BCL2: variants seen among roughly 807,000 people sequenced by gnomAD.
BCL2 encodes apoptosis regulator Bcl-2.
BCL2 carries 1 observed loss-of-function variant against 14.2 expected under a neutral mutation model. That is an observed-to-expected ratio of 0.07 (90% confidence interval 0.02 to 0.33). BCL2 has a LOEUF of 0.33. Ranked by LOEUF, BCL2 falls within the 10% of genes least tolerant of loss-of-function variation. BCL2 has a pLI of 0.99. For missense variants in BCL2, 247 were observed against 305.9 expected (o/e 0.81, Z 1.44); for synonymous variants, 151 against 137.2 (o/e 1.10, Z -0.70).
intron 2 of BCL2, among the ~76,000 whole-genome samples, chr18:63,275,948 G>T (rs567563373): frequency 2.6e-5 from 4 of 152,398 alleles, no homozygotes; most frequent in African/African-American, 9.6e-5. Context: ...TGAGCTGGGA[G>T]TGTGTGTATG....
chr18:63,289,124 G>A (rs1176892545), intron 2 of BCL2, among the ~76,000 whole-genome samples: 1 of 152,028 alleles, frequency 6.6e-6, no homozygotes, highest in Non-Finnish European at 1.5e-5. Flanking sequence ...CATGGTGGTG[G>A]ATATACACAA....
intron 2 of BCL2, among the ~76,000 whole-genome samples, chr18:63,287,251 T>C (rs1272066542): frequency 6.6e-6 from 1 of 152,176 alleles, no homozygotes; most frequent in Non-Finnish European, 1.5e-5. Flanking sequence ...TAGAATTCTG[T>C]ATGCTCCTTA....
chr18:63,232,044 A>G (rs1306775226), intron 2 of BCL2, among the ~76,000 whole-genome samples: 2 of 152,110 alleles, frequency 1.3e-5, no homozygotes, highest in Non-Finnish European at 2.9e-5. Context: ...TGTGACAGAG[A>G]TAGCATTACA....
chr18:63,315,796 C>T (rs1019395823), intron 2 of BCL2: 29 of 152,140 alleles, frequency 1.9e-4, no homozygotes, highest in Admixed American at 1.8e-3. Context: ...ATAGGCAAAT[C>T]ATTCATCATT....
At chr18:63,254,376 T>C (rs1223805187) in intron 2 of BCL2, among the ~76,000 whole-genome samples, 2 of 123,952 alleles carry the variant, frequency 1.6e-5, no homozygotes, top group African/African-American at 6.4e-5. Flanking sequence ...GGAAACCCTG[T>C]CTTTGCTAAA....
rs2144578965 is a variant in BCL2 at position 63,123,387 on chromosome 18, CTA to C, written c.*5236_*5237del. The C allele has an allele frequency of 5.2e-6, 1 of 191,912 alleles. No homozygotes were observed. The highest frequency in any genetic ancestry group is 8.2e-5 in the East Asian group (1 of 12,222). 11.9% of individuals were successfully genotyped at this position (191,912 alleles called of 1,614,324 possible). ...ACTTTATTTTTCTTCACAATATTAA[CTA>C]GACAGACAAGGAAAGTTTAATGGCA... is the stretch of plus-strand genomic sequence containing the variant. On this transcript the variant is annotated 3_prime_UTR_variant, in exon 3 of 3. Transcript: ENST00000333681.
rs1913839019 is a variant in BCL2, at chr18:63,123,824, T to C, written c.*4801A>G. 1 of 217,124 alleles carries C rather than the reference T, an allele frequency of 4.6e-6. No individual in the cohort carries two copies. Among genetic ancestry groups the C allele is most frequent in the Non-Finnish European group, 9.3e-6 (1 of 107,900 alleles). The allele number at this position is 217,124 out of a possible 1,614,324, so 13.4% of individuals were successfully genotyped here. On this transcript the variant is annotated 3_prime_UTR_variant, in exon 3 of 3. Coordinates refer to ENST00000333681, the MANE Select transcript of BCL2 (RefSeq NM_000633.3). Reference sequence around the variant, plus strand: ...GAGGGAAAAACTTAATGAAATGAGCTATCTGGAGGGCCCACGGCAGATTTT... The same window carrying C: ...GAGGGAAAAACTTAATGAAATGAGCCATCTGGAGGGCCCACGGCAGATTTT...
intron 2 of BCL2, among the ~76,000 whole-genome samples, chr18:63,193,667 T>TAC (rs1168147101): frequency 6.6e-5 from 10 of 150,414 alleles, no homozygotes; most frequent in South Asian, 2.1e-4. Flanking sequence ...TACATATATA[T>TAC]ACACACACAC....
intron 2 of BCL2, among the ~76,000 whole-genome samples, chr18:63,210,587 G>A (rs1599246516): frequency 6.6e-6 from 1 of 152,282 alleles, no homozygotes; most frequent in Admixed American, 6.5e-5. Flanking sequence ...GCTCTTGTAT[G>A]AATGAAATAT....
chr18:63,185,162 A>G (rs1915564098), intron 2 of BCL2, among the ~76,000 whole-genome samples: 1 of 152,234 alleles, frequency 6.6e-6, no homozygotes, highest in Non-Finnish European at 1.5e-5. Context: ...AAATGGTCAA[A>G]CATATTCAGT....
intron 2 of BCL2, among the ~76,000 whole-genome samples, chr18:63,163,881 T>C (rs1914981014): frequency 6.6e-6 from 1 of 152,242 alleles, no homozygotes; most frequent in Non-Finnish European, 1.5e-5. Context: ...GCAATCAGAC[T>C]CTTCAGAGTC....
intron 2 of BCL2, among the ~76,000 whole-genome samples, chr18:63,134,192 C>A (rs1328171989): frequency 6.6e-6 from 1 of 152,094 alleles, no homozygotes; most frequent in African/African-American, 2.4e-5. Context: ...TGATTTTTTT[C>A]CTTAGCTGTC....
chr18:63,298,795 T>C (rs990442103), intron 2 of BCL2, among the ~76,000 whole-genome samples: 1 of 152,196 alleles, frequency 6.6e-6, no homozygotes, highest in African/African-American at 2.4e-5. Context: ...TCATCTCAGA[T>C]GGCATGTCTA....
chr18:63,192,664 A>G (rs1290787408), intron 2 of BCL2, among the ~76,000 whole-genome samples: 1 of 152,120 alleles, frequency 6.6e-6, no homozygotes, highest in Non-Finnish European at 1.5e-5. Flanking sequence ...TCACCAGGGG[A>G]TACCACGGCC....
chr18:63,212,289 C>T (rs1255603235), intron 2 of BCL2, among the ~76,000 whole-genome samples: 1 of 151,698 alleles, frequency 6.6e-6, no homozygotes, highest in African/African-American at 2.4e-5. Flanking sequence ...GAGCATGCCA[C>T]TGCACTCCAG....
At chr18:63,291,201 G>T (rs1912635145) in intron 2 of BCL2, among the ~76,000 whole-genome samples, 1 of 152,192 alleles carries the variant, frequency 6.6e-6, no homozygotes, top group African/African-American at 2.4e-5. Context: ...GTTTTCACAA[G>T]AGTTACTTAG....
intron 2 of BCL2, among the ~76,000 whole-genome samples, chr18:63,162,105 A>G (rs2144619870): frequency 6.6e-6 from 1 of 152,338 alleles, no homozygotes. Flanking sequence ...TCCGCACTCA[A>G]ATCTGGAATG....
At chr18:63,276,172 C>G (rs947675280) in intron 2 of BCL2, among the ~76,000 whole-genome samples, 1 of 152,184 alleles carries the variant, frequency 6.6e-6, no homozygotes, top group African/African-American at 2.4e-5. Context: ...CCTGGTACCT[C>G]TGCAGCTCAC....
At chr18:63,137,873 C>A (rs994754938) in intron 2 of BCL2, among the ~76,000 whole-genome samples, 2 of 152,130 alleles carry the variant, frequency 1.3e-5, no homozygotes, top group Non-Finnish European at 1.5e-5. Context: ...AGCATTGGTG[C>A]CTGTGGTGCA....
Sources: gnomAD v4.1 joint callset for allele counts (sites outside exome capture counted in the v4.1 genomes callset) on GRCh38, gnomAD v4.1.1 for gene constraint, MANE v1.5 for transcripts, NCBI Gene and HGNC (gene_info 2026-07-23, HGNC 2026-07-21) for gene names.